The following RBPMS variants were observed in gnomAD, a reference collection of about 807,000 sequenced individuals.
The protein encoded by RBPMS is RNA-binding protein with multiple splicing.
In RBPMS, 7 loss-of-function variants were observed where a neutral mutation model predicts 26.8. The observed-to-expected ratio is 0.26, with a 90% CI of 0.15 to 0.49. RBPMS has a LOEUF of 0.49. RBPMS is among the 20% of genes least tolerant of loss of function. The pLI is 0.98. For missense variants in RBPMS, 186 were observed against 250.0 expected (o/e 0.74, Z 1.73); for synonymous variants, 96 against 93.3 (o/e 1.03, Z -0.17).
At chr8:30,549,943 C>T (rs112272223) in intron 6 of RBPMS, among the ~76,000 whole-genome samples, 303 of 150,752 alleles carry the variant, frequency 2.0e-3, no homozygotes, top group African/African-American at 4.7e-3. Context: ...CTCCGCCTCC[C>T]GGGTTCATGC....
chr8:30,507,779 G>A (rs1202571916), intron 5 of RBPMS, among the ~76,000 whole-genome samples: 1 of 152,170 alleles, frequency 6.6e-6, no homozygotes, highest in Admixed American at 6.5e-5. Context: ...TGGAGGTGAA[G>A]AAAGAGTAAG....
Position 30,460,519 on chromosome 8 carries a change from CTT to C in RBPMS, c.67-14259_67-14258del, listed in dbSNP as rs150430769. Among the ~76,000 whole-genome samples the C allele has an allele frequency of 5.0e-3, 754 of 152,228 alleles. 7 individuals are homozygous for C. Among genetic ancestry groups the C allele is most frequent in the South Asian group, 0.022 (105 of 4,820 alleles). On this transcript the variant is annotated intron_variant, in intron 1 of 8. Coordinates refer to ENST00000397323, the MANE Select transcript of RBPMS (RefSeq NM_001008710.3). ...TGTGAACGTCCCTAGGCTTGACACT[CTT>C]AGTCTTTTTCCTGGTATTAGCTTCA...
intron 4 of RBPMS, among the ~76,000 whole-genome samples, chr8:30,491,149 G>A (rs1410276413): frequency 7.2e-5 from 11 of 152,124 alleles, no homozygotes; most frequent in Non-Finnish European, 1.6e-4. Context: ...TTTAGTATAT[G>A]GTATTAGTAA....
chr8:30,492,835 T>A (rs1045340086), intron 4 of RBPMS, among the ~76,000 whole-genome samples: 1 of 152,220 alleles, frequency 6.6e-6, no homozygotes, highest in Non-Finnish European at 1.5e-5. Context: ...ATTTTATTGT[T>A]GTTTTCTTTT....
intron 5 of RBPMS, among the ~76,000 whole-genome samples, chr8:30,527,059 C>T (rs946619255): frequency 1.4e-4 from 22 of 152,182 alleles, no homozygotes; most frequent in Non-Finnish European, 3.1e-4. Flanking sequence ...ACAAAACTTT[C>T]CCAGTTCTCT....
At chr8:30,427,865 A>G (rs937668220) in intron 1 of RBPMS, among the ~76,000 whole-genome samples, 2 of 152,016 alleles carry the variant, frequency 1.3e-5, no homozygotes, top group African/African-American at 2.4e-5. Context: ...ATCTGAGTAA[A>G]GTGGAATAGT....
At chr8:30,556,488 T>C in intron 6 of RBPMS, 2 of 985,978 alleles carry the variant, frequency 2.0e-6, no homozygotes, top group Non-Finnish European at 2.4e-6. Flanking sequence ...ACTGTGCAGC[T>C]CTCCTCCCCG....
intron 8 of RBPMS, among the ~76,000 whole-genome samples, chr8:30,566,979 T>A (rs934450340): frequency 6.6e-6 from 1 of 152,146 alleles, no homozygotes; most frequent in Non-Finnish European, 1.5e-5. Flanking sequence ...CACTCCTCAG[T>A]TCGTTAGCTA....
chr8:30,555,149 ACT>A (rs1826746751), intron 6 of RBPMS, among the ~76,000 whole-genome samples: 1 of 151,744 alleles, frequency 6.6e-6, no homozygotes, highest in Admixed American at 6.6e-5. Flanking sequence ...TTTGATTTTT[ACT>A]CTGAGTTGCT....
intron 5 of RBPMS, among the ~76,000 whole-genome samples, chr8:30,532,798 C>T (rs975230497): frequency 6.6e-6 from 1 of 152,192 alleles, no homozygotes; most frequent in African/African-American, 2.4e-5. Flanking sequence ...ACCACATCTT[C>T]CTAATAACCT....
intron 4 of RBPMS, among the ~76,000 whole-genome samples, chr8:30,502,334 T>C (rs1225284930): frequency 6.6e-6 from 1 of 152,166 alleles, no homozygotes; most frequent in African/African-American, 2.4e-5. Flanking sequence ...GGAGCTTCAG[T>C]TGATTCTGGA....
intron 1 of RBPMS, among the ~76,000 whole-genome samples, chr8:30,456,103 T>G (rs1276391433): frequency 6.6e-6 from 1 of 152,128 alleles, no homozygotes; most frequent in East Asian, 1.9e-4. Flanking sequence ...TTTTGTTGTG[T>G]GTGTGTTTTT....
intron 1 of RBPMS, among the ~76,000 whole-genome samples, chr8:30,467,542 T>C (rs1256213683): frequency 6.6e-6 from 1 of 152,148 alleles, no homozygotes; most frequent in Non-Finnish European, 1.5e-5. Context: ...TCAGTTCTTA[T>C]CTTAGTAGAG....
chr8:30,473,950 G>A (rs1472548774), intron 1 of RBPMS, among the ~76,000 whole-genome samples: 1 of 152,128 alleles, frequency 6.6e-6, no homozygotes, highest in Non-Finnish European at 1.5e-5. Flanking sequence ...CTTGAGGGGA[G>A]GAAGAGCATC....
At chr8:30,423,620 A>C (rs984457992) in intron 1 of RBPMS, among the ~76,000 whole-genome samples, 4 of 130,610 alleles carry the variant, frequency 3.1e-5, no homozygotes, top group African/African-American at 5.7e-5. Context: ...AACAATCTGC[A>C]GGGTGAATTG....
Position 30,503,314 on chromosome 8 carries a change from G to A in RBPMS, c.247-972G>A, listed in dbSNP as rs534531491. 9.9e-5 allele frequency among the ~76,000 whole-genome samples: 15 copies of A among 152,122 alleles called. No homozygotes were observed. The South Asian group carries it at 2.9e-3, about 30-fold the overall frequency. On this transcript the variant is annotated intron_variant, in intron 4 of 8. Transcript: ENST00000397323. ...CACCCAGGCTGGAGTGCAATGGCGC[G>A]ATCTTGGCTCACTGTACCCTCTGCC...
intron 1 of RBPMS, among the ~76,000 whole-genome samples, chr8:30,425,878 G>A (rs757280874): frequency 5.9e-5 from 9 of 152,152 alleles, no homozygotes; most frequent in Non-Finnish European, 1.3e-4. Context: ...AAACAGCAGA[G>A]AGGGAAATTA....
At chr8:30,389,339 T>C (rs1807499245) in intron 1 of RBPMS, among the ~76,000 whole-genome samples, 1 of 152,226 alleles carries the variant, frequency 6.6e-6, no homozygotes, top group South Asian at 2.1e-4. Flanking sequence ...GTCTTCTTCA[T>C]TCCCAGTGGC....
At chr8:30,465,365 A>T (rs964679817) in intron 1 of RBPMS, among the ~76,000 whole-genome samples, 1 of 152,218 alleles carries the variant, frequency 6.6e-6, no homozygotes, top group Non-Finnish European at 1.5e-5. Flanking sequence ...TTAAGTGTTC[A>T]CATGTGCAGA....
Sources: gnomAD v4.1 joint callset for allele counts (sites outside exome capture counted in the v4.1 genomes callset) on GRCh38, gnomAD v4.1.1 for gene constraint, MANE v1.5 for transcripts, NCBI Gene and HGNC (gene_info 2026-07-23, HGNC 2026-07-21) for gene names.